Variants in PCDH7 observed in about 807,000 individuals in gnomAD.
PCDH7 encodes protocadherin-7.
A neutral mutation model predicts 58.9 loss-of-function variants in PCDH7; 17 were observed. That is an observed-to-expected ratio of 0.29 (90% confidence interval 0.20 to 0.43). PCDH7 has a LOEUF of 0.43. Ranked by LOEUF, PCDH7 falls within the 20% of genes least tolerant of loss-of-function variation. The pLI, the probability that PCDH7 is intolerant of heterozygous loss-of-function variation, is 1.00. For missense variants in PCDH7, 1,274 were observed against 1,441.0 expected, an observed-to-expected ratio of 0.88 and a Z score of 1.88; for synonymous variants, 664 against 616.4, an observed-to-expected ratio of 1.08 and a Z score of -1.14.
intron 3 of PCDH7, among the ~76,000 whole-genome samples, chr4:31,028,510 C>T (rs1754630428): frequency 6.6e-6 from 1 of 151,966 alleles, no homozygotes; most frequent in Non-Finnish European, 1.5e-5. Flanking sequence ...TTTAAAAATT[C>T]ACCAGTCATG....
chr4:30,915,774 A>T (rs1742381030), intron 1 of PCDH7, among the ~76,000 whole-genome samples: 1 of 152,020 alleles, frequency 6.6e-6, no homozygotes, highest in Admixed American at 6.6e-5. Flanking sequence ...CGCCCACCTC[A>T]GCCTCCCAAA....
chr4:31,112,402 A>G (rs895327990), intron 3 of PCDH7, among the ~76,000 whole-genome samples: 1 of 152,226 alleles, frequency 6.6e-6, no homozygotes, highest in African/African-American at 2.4e-5. Context: ...GTAATGATTT[A>G]CATTTTCATA....
chr4:30,827,402 G>A (rs577502391), intron 1 of PCDH7, among the ~76,000 whole-genome samples: 1 of 152,220 alleles, frequency 6.6e-6, no homozygotes, highest in African/African-American at 2.4e-5. Context: ...TGTCTGTAAA[G>A]ACTATTATTT....
intron 3 of PCDH7, among the ~76,000 whole-genome samples, chr4:31,137,945 G>A (rs189638553): frequency 2.0e-5 from 3 of 152,300 alleles, no homozygotes; most frequent in Non-Finnish European, 4.4e-5. Context: ...CTGGAGTAGA[G>A]TGAGTGTCTG....
At chr4:31,109,123 G>A (rs1429437533) in intron 3 of PCDH7, among the ~76,000 whole-genome samples, 2 of 152,268 alleles carry the variant, frequency 1.3e-5, no homozygotes, top group East Asian at 3.9e-4. Flanking sequence ...GGCTGGGAGT[G>A]TAACAATGTT....
In PCDH7 at chr4:30,723,942, T is replaced by C. The variant is rs1471375365; in HGVS notation, c.2520T>C (p.Asn840=). 6.2e-7 allele frequency: 1 copy of C among 1,614,108 alleles called. No individual in the cohort carries two copies. The highest frequency in any genetic ancestry group is 8.5e-7 in the Non-Finnish European group (1 of 1,180,030). ...CGACTCTGGTGCACGTGTTTGTCAATGAAAGTGTTTCTAATGCAACTGCGA... is the reference window on the plus strand; with the variant it reads ...CGACTCTGGTGCACGTGTTTGTCAACGAAAGTGTTTCTAATGCAACTGCGA... Residue 840 remains asparagine (N), a synonymous_variant, in exon 1 of 2, where the codon AAT becomes AAC. Transcript: ENST00000361762. This position sits in a 1 kb window ranked among gnomAD's most constrained non-coding sequence, Gnocchi z 4.6.
At chr4:31,111,293 T>C (rs1337359456) in intron 3 of PCDH7, among the ~76,000 whole-genome samples, 1 of 135,812 alleles carries the variant, frequency 7.4e-6, no homozygotes, top group African/African-American at 2.8e-5. Flanking sequence ...AAACTATAGA[T>C]ATTTGTTACA....
At chr4:30,936,048 C>T (rs1184426856) in intron 2 of PCDH7, among the ~76,000 whole-genome samples, 1 of 151,884 alleles carries the variant, frequency 6.6e-6, no homozygotes, top group Non-Finnish European at 1.5e-5. Context: ...AAAAGAACAA[C>T]GTGAAGTGGA....
intron 3 of PCDH7, among the ~76,000 whole-genome samples, chr4:31,078,450 C>CT (rs900219498): frequency 4.0e-5 from 6 of 150,654 alleles, no homozygotes; most frequent in African/African-American, 9.8e-5. Context: ...GCTTGGCTAA[C>CT]TTTTTTTTTC....
At position 30,785,961 on chromosome 4, in the gene PCDH7, A is replaced by C. The variant is rs374288386; in HGVS notation, c.70+61365A>C. On this transcript the variant is annotated intron_variant, in intron 1 of 3. Transcript: ENST00000509759. ...AAAGACACTTTGTGTACTTTCTGGC[A>C]CCGAAAGTAGAAATTGACCTGTTGG... Among the ~76,000 whole-genome samples the C allele has an allele frequency of 2.1e-4, 32 of 152,190 alleles. No individual in the cohort carries two copies. In the South Asian group the frequency reaches 6.4e-3, roughly 31 times the overall value.
At chr4:30,823,421 T>C (rs1484294060) in intron 1 of PCDH7, among the ~76,000 whole-genome samples, 1 of 152,102 alleles carries the variant, frequency 6.6e-6, no homozygotes, top group Non-Finnish European at 1.5e-5. Flanking sequence ...ACGTGCCCTT[T>C]ACTGACTCTG....
chr4:31,056,623 CAGAGAG>C (rs755004250), intron 3 of PCDH7, among the ~76,000 whole-genome samples: 3 of 129,912 alleles, frequency 2.3e-5, no homozygotes, highest in Non-Finnish European at 4.9e-5. Flanking sequence ...GAGTGAAAGA[CAGAGAG>C]AGAGAGGAGA....
At chr4:31,005,782 A>G (rs73113461) in intron 3 of PCDH7, among the ~76,000 whole-genome samples, 16,971 of 152,232 alleles carry the variant, frequency 0.11, 2,448 homozygotes, top group African/African-American at 0.33. Flanking sequence ...AGCTATTTAC[A>G]TATGAACTAA....
chr4:31,079,232 T>C lies in PCDH7; in HGVS notation c.*8-63241T>C, dbSNP rs191524161. Among the ~76,000 whole-genome samples, 193 of 144,486 alleles carry C rather than the reference T, an allele frequency of 1.3e-3. 5 individuals are homozygous for C. In the South Asian group the frequency reaches 0.025, roughly 19 times the overall value. 94.8% of individuals were successfully genotyped at this position (144,486 alleles called of 152,430 possible). A position where few individuals can be genotyped will look rare whatever the true frequency, so the allele number is the denominator to read the frequency against. On this transcript the variant is annotated intron_variant, in intron 3 of 3. Transcript: ENST00000509759. ...TTTGACCTCGTTAACATTAGAAATA[T>C]CAATGCAACAGAAGACTCCATAAAC...
chr4:30,738,828 A>G (rs1716665410), intron 1 of PCDH7, among the ~76,000 whole-genome samples: 1 of 152,068 alleles, frequency 6.6e-6, no homozygotes, highest in Admixed American at 6.6e-5. Flanking sequence ...TTATGAAAGC[A>G]CAGTCTCAGT....
At chr4:30,826,004 C>T (rs543890814) in intron 1 of PCDH7, among the ~76,000 whole-genome samples, 1 of 152,146 alleles carries the variant, frequency 6.6e-6, no homozygotes, top group African/African-American at 2.4e-5. Flanking sequence ...TTCTTCTTTC[C>T]TCCCTTTTTC....
intron 1 of PCDH7, among the ~76,000 whole-genome samples, chr4:30,907,405 A>G (rs1741099243): frequency 6.6e-6 from 1 of 152,232 alleles, no homozygotes; most frequent in African/African-American, 2.4e-5. Flanking sequence ...AAACAAATTT[A>G]CAAGAAAAAA....
intron 3 of PCDH7, among the ~76,000 whole-genome samples, chr4:31,034,667 A>G (rs1755235637): frequency 6.6e-6 from 1 of 152,132 alleles, no homozygotes; most frequent in South Asian, 2.1e-4. Context: ...ATCTATCGTC[A>G]TTTCATCATT....
At chr4:30,788,482 T>C (rs1261648123) in intron 1 of PCDH7, among the ~76,000 whole-genome samples, 1 of 152,126 alleles carries the variant, frequency 6.6e-6, no homozygotes, top group East Asian at 1.9e-4. Flanking sequence ...GATACTATAA[T>C]AAATTATAAG....
Sources: gnomAD v4.1 joint callset for allele counts (sites outside exome capture counted in the v4.1 genomes callset) on GRCh38, gnomAD v4.1.1 for gene constraint, Gnocchi (gnomAD v3.1) non-coding constraint, MANE v1.5 for transcripts, NCBI Gene and HGNC (gene_info 2026-07-23, HGNC 2026-07-21) for gene names.